MZT2A: variants seen among roughly 807,000 people sequenced by gnomAD.
The protein encoded by MZT2A is mitotic-spindle organizing protein 2A.
Under a neutral mutation model 12.4 loss-of-function variants are expected in MZT2A, and 8 were observed. The ratio of observed to expected loss-of-function variants is 0.64; its 90% CI spans 0.38 to 1.16. MZT2A has a LOEUF of 1.16. Among genes scored for constraint, MZT2A ranks in the 50% most tolerant of loss-of-function variants. MZT2A has a pLI of 0.01. For missense variants in MZT2A, 181 were observed against 223.6 expected (o/e 0.81, Z 1.22); for synonymous variants, 88 against 107.5 (o/e 0.82, Z 1.12).
chr2:131,492,517 T>C, upstream of MZT2A: 1 of 1,121,546 alleles, frequency 8.9e-7, no homozygotes, highest in Non-Finnish European at 1.1e-6. Context: ...CGGGGCCGCC[T>C]CCTCGGCGTC....
At chr2:131,479,294 T>C (rs1238198021), downstream of MZT2A, 3 of 1,613,042 alleles carry the variant, frequency 1.9e-6, no homozygotes, top group African/African-American at 4.0e-5. Flanking sequence ...CAGCACACAC[T>C]GTCTCTTTTG....
intron 2 of MZT2A, chr2:131,478,147 T>C (rs754909176): frequency 6.2e-7 from 1 of 1,606,288 alleles, no homozygotes; most frequent in East Asian, 2.2e-5. Flanking sequence ...GGTTCACTTT[T>C]ATGTTCCTGT....
downstream of MZT2A, among the ~76,000 whole-genome samples, chr2:131,483,632 G>A (rs145447600): frequency 0.055 from 8,393 of 152,064 alleles, 770 homozygotes; most frequent in African/African-American, 0.19. Context: ...GGAGAATGGC[G>A]CGAACCCAGG....
downstream of MZT2A, chr2:131,479,457 G>T (rs769681723): frequency 4.3e-6 from 7 of 1,613,878 alleles, no homozygotes; most frequent in Non-Finnish European, 5.9e-6. Context: ...CCGCAAACTG[G>T]TAAGAAGAGA....
At chr2:131,490,756 C>G in intron 2 of MZT2A, 1 of 1,537,982 alleles carries the variant, frequency 6.5e-7, no homozygotes. Context: ...GGAGGGAACC[C>G]GGGGGGCCTG....
chr2:131,479,391 G>T, downstream of MZT2A: 6 of 1,614,136 alleles, frequency 3.7e-6, no homozygotes, highest in Non-Finnish European at 5.1e-6. Flanking sequence ...CAATAATTAC[G>T]CCAGGGGCCA....
upstream of MZT2A, chr2:131,492,491 GGCGGGAGC>G (rs1679377902): frequency 5.3e-6 from 6 of 1,132,992 alleles, no homozygotes; most frequent in South Asian, 2.5e-4. Flanking sequence ...TGGCGGGAGC[GGCGGGAGC>G]GCGGGGACGG....
upstream of MZT2A, chr2:131,492,910 A>C (rs1679407461): frequency 6.6e-7 from 1 of 1,513,086 alleles, no homozygotes; most frequent in African/African-American, 1.4e-5. Flanking sequence ...TCAGCTAAGG[A>C]CCACTCCCTC....
chr2:131,482,743 A>G (rs558896961), downstream of MZT2A: 5 of 1,614,066 alleles, frequency 3.1e-6, no homozygotes, highest in South Asian at 4.4e-5. Flanking sequence ...TGGAAGAGGG[A>G]GAGTTCTCTG....
chr2:131,480,661 T>A, downstream of MZT2A: 1 of 1,613,814 alleles, frequency 6.2e-7, no homozygotes, highest in Non-Finnish European at 8.5e-7. Context: ...AGGGGGGACG[T>A]GGTCCCCAAA....
intron 2 of MZT2A, chr2:131,478,074 A>G: frequency 2.6e-6 from 4 of 1,513,604 alleles, no homozygotes; most frequent in Non-Finnish European, 3.6e-6. Context: ...CTGAAGCAGT[A>G]TATAAATATT....
downstream of MZT2A, among the ~76,000 whole-genome samples, chr2:131,482,019 CA>C (rs1240516367): frequency 6.6e-6 from 1 of 152,246 alleles, no homozygotes; most frequent in Non-Finnish European, 1.5e-5. Flanking sequence ...CCTACTTAGG[CA>C]GGCACATGGA....
upstream of MZT2A, chr2:131,492,849 G>C (rs1679403808): frequency 6.7e-7 from 1 of 1,482,288 alleles, no homozygotes; most frequent in African/African-American, 1.4e-5. Flanking sequence ...TAGGGAGAAA[G>C]TGCGTGAGCC....
rs1275135117 is a variant in MZT2A at position 131,491,028 on chromosome 2, C to T, written c.319+848G>A. On this transcript the variant is annotated intron_variant, in intron 2 of 2. Coordinates refer to ENST00000309451, the MANE Select transcript of MZT2A (RefSeq NM_001085365.2). Reference sequence around the variant, plus strand: ...CTGGCACTTCCCCCATGAAGGCAGCCTGCTTTCCACGCCTTCTCATGATGC... The same window carrying T: ...CTGGCACTTCCCCCATGAAGGCAGCTTGCTTTCCACGCCTTCTCATGATGC... 4 of 1,340,792 alleles carry T rather than the reference C, an allele frequency of 3.0e-6. No individual in the cohort carries two copies. In the East Asian group the frequency reaches 1.0e-4, roughly 34 times the overall value. The allele number at this position is 1,340,792 out of a possible 1,614,324, so 83.1% of individuals were successfully genotyped here. A position where few individuals can be genotyped will look rare whatever the true frequency, so the allele number is the denominator to read the frequency against.
At chr2:131,483,737 C>CAAA (rs962400178), downstream of MZT2A, among the ~76,000 whole-genome samples, 1 of 120,584 alleles carries the variant, frequency 8.3e-6, no homozygotes, top group African/African-American at 4.4e-5. Context: ...AACAAACAAA[C>CAAA]AAAAAACCTC....
chr2:131,471,859 G>A (rs1457803317), intron 3 of MZT2A, among the ~76,000 whole-genome samples: 1 of 152,198 alleles, frequency 6.6e-6, no homozygotes, highest in African/African-American at 2.4e-5. Flanking sequence ...CCATGGCAGG[G>A]AGCCAAGCCC....
In MZT2A at chr2:131,478,100, G is replaced by T. The variant is rs201459956; in HGVS notation, c.279-5918C>A. On this transcript the variant is annotated intron_variant and NMD_transcript_variant, in intron 2 of 4. Coordinates refer to the MZT2A transcript ENST00000427024. ...TATAAATATTAAATTAGAATATTTTGCATGCCATATAGTTTCAAGTTGCCT... is the reference window on the plus strand; with the variant it reads ...TATAAATATTAAATTAGAATATTTTTCATGCCATATAGTTTCAAGTTGCCT... 1.9e-5 allele frequency: 30 copies of T among 1,561,530 alleles called. 1 individual carries two copies. In the East Asian group the frequency reaches 6.5e-4, roughly 34 times the overall value.
At chr2:131,475,668 T>G (rs1379057068) in intron 2 of MZT2A, among the ~76,000 whole-genome samples, 1 of 152,144 alleles carries the variant, frequency 6.6e-6, no homozygotes, top group Non-Finnish European at 1.5e-5. Flanking sequence ...GATTGAATCC[T>G]GCCACTTCCC....
At position 131,470,455 on chromosome 2, in the gene MZT2A, G is replaced by C. The variant is rs1485736600; in HGVS notation, c.394-112C>G. 1.7e-5 allele frequency: 9 copies of C among 517,948 alleles called. No homozygotes were observed. The African/African-American group carries it at 2.0e-4, about 12-fold the overall frequency. 32.1% of individuals were successfully genotyped at this position (517,948 alleles called of 1,614,324 possible). A position where few individuals can be genotyped will look rare whatever the true frequency, so the allele number is the denominator to read the frequency against. ...CAAGTGACAGCCAATGCTGGTTACA[G>C]ATTAAAGCCACAGATGGGAGAAATC... On this transcript the variant is annotated intron_variant and NMD_transcript_variant, in intron 3 of 4. Coordinates refer to the MZT2A transcript ENST00000427024.
Sources: allele counts gnomAD v4.1 joint callset (sites outside exome capture counted in the v4.1 genomes callset), GRCh38; gene constraint gnomAD v4.1.1; transcripts MANE v1.5; gene names NCBI Gene and HGNC (gene_info 2026-07-23, HGNC 2026-07-21).